RRH: variants seen among roughly 807,000 people sequenced by gnomAD.
RRH encodes the protein visual pigment-like receptor peropsin.
A neutral mutation model predicts 33.1 loss-of-function variants in RRH; 36 were observed. The observed-to-expected ratio is 1.09, with a 90% confidence interval of 0.83 to 1.44. The LOEUF (loss-of-function observed/expected upper bound fraction) is 1.44, where lower values mean the gene tolerates loss of function less well. Ranked by LOEUF, RRH falls within the 40% of genes most tolerant of loss-of-function variation. The pLI is 0.00. For missense variants in RRH, 393 were observed against 420.2 expected (o/e 0.94, Z 0.57); for synonymous variants, 124 against 140.2 (o/e 0.88, Z 0.82).
intron 1 of RRH, 140 bp downstream of exon 1, chr4:109,828,273 T>C: frequency 3.1e-6 from 2 of 639,078 alleles, no homozygotes; most frequent in Non-Finnish European, 5.7e-6. Flanking sequence ...GGCTTGCTCG[T>C]TGGTAAATGA....
At chr4:109,836,580 T>C (rs1002903720) in intron 4 of RRH, among the ~76,000 whole-genome samples, 18 of 152,186 alleles carry the variant, frequency 1.2e-4, no homozygotes, top group Non-Finnish European at 2.4e-4. Flanking sequence ...TCCAGCACAT[T>C]CTGAGAACTG....
intron 4 of RRH, among the ~76,000 whole-genome samples, chr4:109,836,565 G>A (rs1262190722): frequency 2.0e-5 from 3 of 152,194 alleles, no homozygotes; most frequent in Non-Finnish European, 4.4e-5. Context: ...AAGATGGTCT[G>A]GTGTTCCAGC....
chr4:109,830,059 T>A (rs554551401), intron 1 of RRH, among the ~76,000 whole-genome samples: 14 of 152,198 alleles, frequency 9.2e-5, no homozygotes, highest in Non-Finnish European at 1.9e-4. Flanking sequence ...ATTTTTAATT[T>A]GATCTTTCAT....
In RRH at chr4:109,843,475, C is replaced by T. The variant is rs575209181; in HGVS notation, c.900-608C>T. ...CCGCCCGCCTCGGCCTCCCAAAGCG[C>T]TGGGATTACAGGCGTGAGCCACCGC... is the stretch of plus-strand genomic sequence containing the variant. On this transcript the variant is annotated intron_variant, in intron 6 of 6. Coordinates refer to ENST00000317735, the MANE Select transcript of RRH (RefSeq NM_006583.5). Among the ~76,000 whole-genome samples the T allele has an allele frequency of 3.9e-5, 6 of 152,348 alleles. No homozygotes were observed. In the South Asian group the frequency reaches 6.2e-4, roughly 16 times the overall value.
intron 1 of RRH, among the ~76,000 whole-genome samples, chr4:109,831,914 G>C (rs1055759694): frequency 3.9e-5 from 6 of 152,058 alleles, no homozygotes; most frequent in Non-Finnish European, 2.9e-5. Context: ...AATCTGGAAG[G>C]TTAGTTTAAC....
intron 1 of RRH, among the ~76,000 whole-genome samples, chr4:109,829,913 G>A (rs2125891858): frequency 6.6e-6 from 1 of 152,230 alleles, no homozygotes; most frequent in East Asian, 1.9e-4. Flanking sequence ...TTTTTCTTTA[G>A]ATCCCCTAAC....
At chr4:109,832,495 A>AGTTGT (rs1553921262) in intron 1 of RRH, among the ~76,000 whole-genome samples, 78 of 135,292 alleles carry the variant, frequency 5.8e-4, no homozygotes, top group Admixed American at 2.2e-4. Flanking sequence ...CTATTGGGGT[A>AGTTGT]GTGTGTGTGT....
intron 4 of RRH, 32 bp from the exon 5 acceptor site, chr4:109,837,405 G>C (rs768703572): frequency 6.3e-7 from 1 of 1,583,784 alleles, no homozygotes; most frequent in Non-Finnish European, 8.7e-7. Context: ...GACATTAAAT[G>C]AGCAATCATG....
chr4:109,831,422 A>G (rs759295816), intron 1 of RRH, among the ~76,000 whole-genome samples: 2 of 152,226 alleles, frequency 1.3e-5, no homozygotes, highest in Non-Finnish European at 1.5e-5. Flanking sequence ...CACGTATTCA[A>G]AAACCACAGA....
intron 1 of RRH, 36 bp from the exon 2 acceptor site, chr4:109,833,103 A>T: frequency 6.5e-7 from 1 of 1,547,416 alleles, no homozygotes; most frequent in Non-Finnish European, 8.9e-7. Flanking sequence ...CATTCAAATT[A>T]AACAAAATGC....
intron 4 of RRH, 94 bp from the exon 5 acceptor site, chr4:109,837,343 C>T: frequency 9.3e-7 from 1 of 1,080,050 alleles, no homozygotes; most frequent in Non-Finnish European, 1.4e-6. Flanking sequence ...AATATAATGA[C>T]TACCAGTATT....
chr4:109,829,431 A>T (rs1021579153), intron 1 of RRH, among the ~76,000 whole-genome samples: 2 of 148,198 alleles, frequency 1.3e-5, no homozygotes, highest in African/African-American at 4.9e-5. Context: ...AAAAAAAAAA[A>T]TCCAAAAAAC....
chr4:109,835,499 C>A lies in RRH; in HGVS notation c.397+34C>A, dbSNP rs201210567. The A allele has an allele frequency of 1.4e-3, 2,010 of 1,425,840 alleles. 8 individuals are homozygous for A. Among genetic ancestry groups the A allele is most frequent in the Non-Finnish European group, 9.9e-4 (1,000 of 1,008,190 alleles). 88.3% of individuals were successfully genotyped at this position (1,425,840 alleles called of 1,614,324 possible). A position where few individuals can be genotyped will look rare whatever the true frequency, so the allele number is the denominator to read the frequency against. On this transcript the variant is annotated intron_variant, in intron 3 of 6. Transcript: ENST00000317735. ...CTTTTCTCAGCTTTCTTAATGAATC[C>A]ATTTCTTGACTAATGGCCACTCAAT... is the stretch of plus-strand genomic sequence containing the variant.
At chr4:109,832,992 C>A in intron 1 of RRH, 147 bp from the exon 2 acceptor site, 1 of 680,832 alleles carries the variant, frequency 1.5e-6, no homozygotes. Flanking sequence ...ATGTCACATA[C>A]AGTTTTAAGA....
In RRH at chr4:109,844,221, CA is replaced by C; in HGVS notation, c.*28del. ...GAAATAAGATAAAAGGACACACTAT[CA>C]AAACACTTTAGTTTTTTGACAATGC... On this transcript the variant is annotated 3_prime_UTR_variant, in exon 7 of 7. Transcript: ENST00000317735. 7.1e-7 allele frequency: 1 copy of C among 1,414,424 alleles called. No individual in the cohort carries two copies. The highest frequency in any genetic ancestry group is 1.0e-6 in the Non-Finnish European group (1 of 998,728). 87.6% of individuals were successfully genotyped at this position (1,414,424 alleles called of 1,614,324 possible). A position where few individuals can be genotyped will look rare whatever the true frequency, so the allele number is the denominator to read the frequency against.
At chr4:109,835,939 C>T (rs1351234409) in intron 3 of RRH, 68 bp from the exon 4 acceptor site, 3 of 1,589,292 alleles carry the variant, frequency 1.9e-6, no homozygotes, top group African/African-American at 2.7e-5. Context: ...ACTTACAAAT[C>T]AAGCAAGTTT....
intron 4 of RRH, 51 bp from the exon 5 acceptor site, chr4:109,837,386 C>T (rs775813100): frequency 6.8e-7 from 1 of 1,460,250 alleles, no homozygotes; most frequent in Non-Finnish European, 9.6e-7. Context: ...TTCTCCTTCC[C>T]CCACTTAGGA....
At chr4:109,834,361 G>T (rs779600356) in intron 2 of RRH, among the ~76,000 whole-genome samples, 31 of 136,804 alleles carry the variant, frequency 2.3e-4, no homozygotes, top group Non-Finnish European at 3.5e-4. Flanking sequence ...ATGGAGTCAC[G>T]CTCCGTTGCC....
At chr4:109,828,557 T>A (rs1733685388) in intron 1 of RRH, among the ~76,000 whole-genome samples, 1 of 152,122 alleles carries the variant, frequency 6.6e-6, no homozygotes, top group South Asian at 2.1e-4. Flanking sequence ...ACTATTCTTA[T>A]ACATAACCCT....
Sources: gnomAD v4.1 joint callset for allele counts (sites outside exome capture counted in the v4.1 genomes callset) on GRCh38, gnomAD v4.1.1 for gene constraint, MANE v1.5 for transcripts, NCBI Gene and HGNC (gene_info 2026-07-23, HGNC 2026-07-21) for gene names.